SKI: variants seen among roughly 807,000 people sequenced by gnomAD.
The protein encoded by SKI is ski oncogene.
Under a neutral mutation model 59.3 loss-of-function variants are expected in SKI, and 23 were observed. The observed-to-expected ratio is 0.39, with a 90% confidence interval of 0.28 to 0.55. The LOEUF (loss-of-function observed/expected upper bound fraction) is 0.55. SKI is among the 20% of genes least tolerant of loss of function. The pLI is 0.67. For synonymous variants in SKI, 673 were observed against 488.6 expected, an observed-to-expected ratio of 1.38 and a Z score of -4.98; for missense variants, 1,017 against 1,038.9, an observed-to-expected ratio of 0.98 and a Z score of 0.29.
chr1:2,295,694 CTGTG>C (rs752095301), intron 1 of SKI, among the ~76,000 whole-genome samples: 2 of 150,120 alleles, frequency 1.3e-5, no homozygotes, highest in Admixed American at 6.6e-5. Context: ...TCACACGTGA[CTGTG>C]TGTCCGGGCC....
intron 1 of SKI, among the ~76,000 whole-genome samples, chr1:2,273,241 C>T (rs902469455): frequency 2.6e-5 from 4 of 152,192 alleles, no homozygotes; most frequent in African/African-American, 7.2e-5. Flanking sequence ...CCACTGGCGC[C>T]GGAGACCTTT....
rs1454501045 is a variant in SKI, at chr1:2,306,712, C to A, written c.2134C>A (p.Arg712=). The change falls in exon 7 of 7, where the codon CGG becomes AGG. Residue 712 remains arginine (R), a synonymous_variant. Coordinates refer to ENST00000378536, the MANE Select transcript of SKI (RefSeq NM_003036.4). Reference sequence around the variant, plus strand: ...GGAGCTGCAGGAACAGCTGTGGCCGCGGGCCCGCCCCGAGGCTGCGGGCAG... The same window carrying A: ...GGAGCTGCAGGAACAGCTGTGGCCGAGGGCCCGCCCCGAGGCTGCGGGCAG... The part of the protein sequence containing the change: ...VKELQEQLWP[R]ARPEAAGSEG... The A allele has an allele frequency of 1.3e-6, 2 of 1,537,544 alleles. No individual in the cohort carries two copies. Among genetic ancestry groups the A allele is most frequent in the African/African-American group, 1.4e-5 (1 of 71,658 alleles).
chr1:2,280,692 G>GA (rs1166494960), intron 1 of SKI, among the ~76,000 whole-genome samples: 5 of 42,870 alleles, frequency 1.2e-4, no homozygotes, highest in South Asian at 9.5e-4. Context: ...TTCAGAGAGA[G>GA]GACGCCCGAG....
At chr1:2,297,467 C>T (rs1269592136) in intron 1 of SKI, among the ~76,000 whole-genome samples, 5 of 152,204 alleles carry the variant, frequency 3.3e-5, no homozygotes, top group African/African-American at 7.2e-5. Flanking sequence ...CCAGCACAGG[C>T]GATCTCCTCG....
At chr1:2,279,958 A>G (rs550328554) in intron 1 of SKI, among the ~76,000 whole-genome samples, 1 of 152,234 alleles carries the variant, frequency 6.6e-6, no homozygotes, top group East Asian at 1.9e-4. Context: ...GTTTGTTAAA[A>G]CATGGGTTAA....
At chr1:2,247,368 T>G (rs1051543586) in intron 1 of SKI, among the ~76,000 whole-genome samples, 2 of 152,238 alleles carry the variant, frequency 1.3e-5, no homozygotes, top group African/African-American at 2.4e-5. Context: ...GACTCCCAAA[T>G]GACCAAGGGC....
intron 1 of SKI, among the ~76,000 whole-genome samples, chr1:2,288,629 T>C (rs1002110709): frequency 2.0e-5 from 3 of 152,220 alleles, no homozygotes; most frequent in Non-Finnish European, 2.9e-5. Flanking sequence ...GGATGTGTTC[T>C]CTGCTCCCTT....
chr1:2,291,496 C>T (rs1291423505), intron 1 of SKI, among the ~76,000 whole-genome samples: 2 of 152,244 alleles, frequency 1.3e-5, no homozygotes, highest in Non-Finnish European at 2.9e-5. Context: ...GCCATTGGCC[C>T]CTGGTGGACG....
chr1:2,301,093 G>A (rs72643476), intron 1 of SKI, among the ~76,000 whole-genome samples: 20,735 of 152,130 alleles, frequency 0.14, 1,878 homozygotes, highest in East Asian at 0.37. Context: ...TTCCGCGCCC[G>A]CTTCAGTGGC....
intron 5 of SKI, among the ~76,000 whole-genome samples, chr1:2,305,070 G>GGT (rs1177867329): frequency 6.6e-6 from 1 of 152,218 alleles, no homozygotes; most frequent in Non-Finnish European, 1.5e-5. Flanking sequence ...ACTAATGCCT[G>GGT]GTGTTCCAGA....
At chr1:2,241,699 G>GT (rs1431012915) in intron 1 of SKI, among the ~76,000 whole-genome samples, 1 of 152,162 alleles carries the variant, frequency 6.6e-6, no homozygotes, top group Non-Finnish European at 1.5e-5. Flanking sequence ...GGCCAGGACT[G>GT]TAATTTTTTG....
chr1:2,299,536 C>T (rs926620737), intron 1 of SKI, among the ~76,000 whole-genome samples: 31 of 152,298 alleles, frequency 2.0e-4, no homozygotes, highest in African/African-American at 7.2e-4. Flanking sequence ...CGGCAGCTGT[C>T]CAGGACTCCA....
intron 1 of SKI, among the ~76,000 whole-genome samples, chr1:2,234,971 T>C (rs263530): frequency 0.7 from 105,688 of 151,512 alleles, 37,740 homozygotes; most frequent in African/African-American, 0.84. Context: ...CCAGAGCGGG[T>C]GGTAGGGCGG....
chr1:2,274,037 G>A (rs1376548824), intron 1 of SKI, among the ~76,000 whole-genome samples: 1 of 151,994 alleles, frequency 6.6e-6, no homozygotes, highest in East Asian at 1.9e-4. Context: ...CAGGTCCTAC[G>A]GGCCGTGTCC....
At chr1:2,274,540 C>T (rs1231048489) in intron 1 of SKI, among the ~76,000 whole-genome samples, 1 of 152,220 alleles carries the variant, frequency 6.6e-6, no homozygotes, top group Admixed American at 6.5e-5. Flanking sequence ...CAGTCCTCCC[C>T]AGGGGCCACC....
At position 2,273,870 on chromosome 1, in the gene SKI, GGTGGTT is replaced by G. The variant is rs1338247481; in HGVS notation, c.970-29102_970-29097del. On this transcript the variant is annotated intron_variant, in intron 1 of 6. Coordinates refer to ENST00000378536, the MANE Select transcript of SKI (RefSeq NM_003036.4). ...GGCCGTGCAGGCAGACGTGCTCTTG[GGTGGTT>G]GTGGTGGGGATGCCTCTCCGCCCAC... 4.6e-5 allele frequency among the ~76,000 whole-genome samples: 7 copies of G among 152,264 alleles called. No individual in the cohort carries two copies. In the South Asian group the frequency reaches 1.2e-3, roughly 27 times the overall value.
chr1:2,244,194 GA>G (rs1638941373), intron 1 of SKI, among the ~76,000 whole-genome samples: 1 of 152,064 alleles, frequency 6.6e-6, no homozygotes, highest in Non-Finnish European at 1.5e-5. Context: ...CTCATCTCCT[GA>G]CCTCGTGATC....
chr1:2,241,640 G>A (rs1046648238), intron 1 of SKI, among the ~76,000 whole-genome samples: 10 of 152,124 alleles, frequency 6.6e-5, no homozygotes, highest in Non-Finnish European at 2.9e-5. Flanking sequence ...CGATCCGCCC[G>A]CCTCGGCCTC....
intron 1 of SKI, among the ~76,000 whole-genome samples, chr1:2,301,593 T>C (rs985233838): frequency 2.0e-5 from 3 of 152,152 alleles, no homozygotes; most frequent in Non-Finnish European, 4.4e-5. Context: ...TGGAGCACCT[T>C]GATGGACAGC....
Sources: gnomAD v4.1 joint callset for allele counts (sites outside exome capture counted in the v4.1 genomes callset) on GRCh38, gnomAD v4.1.1 for gene constraint, MANE v1.5 for transcripts, NCBI Gene and HGNC (gene_info 2026-07-23, HGNC 2026-07-21) for gene names.